The following DNAJC3 variants were observed in gnomAD, a reference collection of about 807,000 sequenced individuals.
DNAJC3 encodes the protein DnaJ heat shock protein family (Hsp40) member C3, also known as dnaJ homolog subfamily C member 3.
Under a neutral mutation model 68.6 loss-of-function variants are expected in DNAJC3, and 38 were observed. The ratio of observed to expected loss-of-function variants is 0.55; its 90% CI spans 0.43 to 0.73. The LOEUF (loss-of-function observed/expected upper bound fraction) is 0.73, where lower values mean the gene tolerates loss of function less well. Ranked by LOEUF, DNAJC3 falls within the 30% of genes least tolerant of loss-of-function variation. The pLI, the probability that DNAJC3 is intolerant of heterozygous loss-of-function variation, is 0.00. For missense variants in DNAJC3, 526 were observed against 591.9 expected (o/e 0.89, Z 1.16); for synonymous variants, 203 against 204.0 (o/e 1.00, Z 0.04).
chr13:95,714,003 T>C (rs1487588106), intron 2 of DNAJC3, among the ~76,000 whole-genome samples: 1 of 152,226 alleles, frequency 6.6e-6, no homozygotes, highest in Non-Finnish European at 1.5e-5. Flanking sequence ...TGCATTGCAG[T>C]AGCCTGCTGT....
intron 1 of DNAJC3, among the ~76,000 whole-genome samples, 182 bp from the exon 2 acceptor site, chr13:95,709,045 G>A (rs1460821454): frequency 1.3e-5 from 2 of 152,030 alleles, no homozygotes; most frequent in East Asian, 1.9e-4. Flanking sequence ...TTTGTCTTGT[G>A]CTCCATATAA....
chr13:95,698,361 C>T (rs1880502593), intron 1 of DNAJC3, among the ~76,000 whole-genome samples: 1 of 152,146 alleles, frequency 6.6e-6, no homozygotes, highest in Admixed American at 6.5e-5. Context: ...GGAAATTCCC[C>T]CATCCCCTGA....
rs1386746600 is a variant in DNAJC3 at position 95,677,192 on chromosome 13, G to C, written c.-64G>C. ...ACGGCGGGCGGGCGCAGCTGCTGCCGGAGCGCCGGCGCGTGCTGGTGGGCC... is the reference window on the plus strand; with the variant it reads ...ACGGCGGGCGGGCGCAGCTGCTGCCCGAGCGCCGGCGCGTGCTGGTGGGCC... On this transcript the variant is annotated 5_prime_UTR_variant, in exon 1 of 12. Coordinates refer to ENST00000602402, the MANE Select transcript of DNAJC3 (RefSeq NM_006260.5). The C allele has an allele frequency of 1.9e-5, 28 of 1,502,470 alleles. No homozygotes were observed. The highest frequency in any genetic ancestry group is 2.4e-5 in the Non-Finnish European group (27 of 1,112,426). The allele number at this position is 1,502,470 out of a possible 1,614,324, so 93.1% of individuals were successfully genotyped here.
At chr13:95,762,872 T>G (rs17878502) in intron 7 of DNAJC3, among the ~76,000 whole-genome samples, 4,542 of 152,246 alleles carry the variant, frequency 0.03, 234 homozygotes, top group African/African-American at 0.1. Flanking sequence ...TGCAGTGCTT[T>G]GTTTTCTGTT....
intron 9 of DNAJC3, among the ~76,000 whole-genome samples, chr13:95,769,011 C>T (rs1261642895): frequency 6.6e-6 from 1 of 150,980 alleles, no homozygotes; most frequent in Non-Finnish European, 1.5e-5. Flanking sequence ...ATATCTATAT[C>T]TATATCTATA....
chr13:95,740,567 C>T (rs1160870197), intron 4 of DNAJC3, among the ~76,000 whole-genome samples: 1 of 152,092 alleles, frequency 6.6e-6, no homozygotes, highest in Non-Finnish European at 1.5e-5. Flanking sequence ...GGGAGTGACC[C>T]GATTTTCCAG....
At chr13:95,718,445 A>C (rs1230989145) in intron 2 of DNAJC3, among the ~76,000 whole-genome samples, 1 of 152,234 alleles carries the variant, frequency 6.6e-6, no homozygotes, top group African/African-American at 2.4e-5. Context: ...AGTGTCACCC[A>C]TGCTGGAGTG....
intron 1 of DNAJC3, among the ~76,000 whole-genome samples, chr13:95,691,281 G>A (rs953647754): frequency 1.3e-5 from 2 of 149,126 alleles, no homozygotes; most frequent in African/African-American, 5.0e-5. Flanking sequence ...GGGCGGAGGG[G>A]CTCCTCACTT....
At chr13:95,751,354 A>T (rs1173878519) in intron 4 of DNAJC3, among the ~76,000 whole-genome samples, 2 of 152,258 alleles carry the variant, frequency 1.3e-5, no homozygotes, top group Non-Finnish European at 2.9e-5. Context: ...AGAAGTTGAC[A>T]TATGAGCTGT....
At chr13:95,767,431 A>G (rs1315109877) in intron 9 of DNAJC3, among the ~76,000 whole-genome samples, 1 of 152,150 alleles carries the variant, frequency 6.6e-6, no homozygotes, top group African/African-American at 2.4e-5. Flanking sequence ...TCCACTGATG[A>G]ACGTTTGTGT....
chr13:95,724,392 C>T (rs763386326), intron 3 of DNAJC3, among the ~76,000 whole-genome samples: 3 of 152,034 alleles, frequency 2.0e-5, no homozygotes, highest in African/African-American at 4.8e-5. Context: ...CGGGATTACA[C>T]ACATTAGAAG....
At chr13:95,706,611 A>G (rs768514933) in intron 1 of DNAJC3, among the ~76,000 whole-genome samples, 1 of 152,204 alleles carries the variant, frequency 6.6e-6, no homozygotes, top group Non-Finnish European at 1.5e-5. Flanking sequence ...CTTTTAAGGC[A>G]TCCACCATGG....
chr13:95,686,725 C>T (rs1455968990), intron 1 of DNAJC3, among the ~76,000 whole-genome samples: 1 of 152,150 alleles, frequency 6.6e-6, no homozygotes, highest in Non-Finnish European at 1.5e-5. Context: ...CTATTGTAGT[C>T]CATTGATCTG....
intron 1 of DNAJC3, among the ~76,000 whole-genome samples, chr13:95,686,760 A>G (rs1294104069): frequency 6.6e-6 from 1 of 152,260 alleles, no homozygotes; most frequent in African/African-American, 2.4e-5. Context: ...TACCAGTACC[A>G]TGCCATTTTA....
intron 1 of DNAJC3, among the ~76,000 whole-genome samples, chr13:95,684,376 G>A (rs1880013822): frequency 6.6e-6 from 1 of 152,206 alleles, no homozygotes; most frequent in Admixed American, 6.5e-5. Context: ...TCTGGTGGAA[G>A]AAACTTCTAA....
At chr13:95,778,487 A>T (rs546140032) in intron 9 of DNAJC3, among the ~76,000 whole-genome samples, 2 of 152,356 alleles carry the variant, frequency 1.3e-5, no homozygotes, top group South Asian at 4.1e-4. Flanking sequence ...ATACAAAAAA[A>T]ATGGAATATT....
At chr13:95,790,773 C>A in intron 11 of DNAJC3, 100 bp from the exon 12 acceptor site, 1 of 1,337,638 alleles carries the variant, frequency 7.5e-7, no homozygotes. Context: ...AAGTAAGTAG[C>A]TCCTCAAGCC....
intron 2 of DNAJC3, among the ~76,000 whole-genome samples, chr13:95,718,560 C>T (rs1216197098): frequency 6.6e-6 from 1 of 152,186 alleles, no homozygotes; most frequent in African/African-American, 2.4e-5. Context: ...ACCACCATGC[C>T]TGGCTAATTT....
intron 2 of DNAJC3, among the ~76,000 whole-genome samples, chr13:95,715,649 A>G (rs1470697564): frequency 6.6e-6 from 1 of 151,470 alleles, no homozygotes; most frequent in Non-Finnish European, 1.5e-5. Context: ...CACCATGCCC[A>G]GCTAATTTTT....
Sources: gnomAD v4.1 joint callset for allele counts (sites outside exome capture counted in the v4.1 genomes callset) on GRCh38, gnomAD v4.1.1 for gene constraint, MANE v1.5 for transcripts, NCBI Gene and HGNC (gene_info 2026-07-23, HGNC 2026-07-21) for gene names.